Variants in UNC5C observed in about 807,000 individuals in gnomAD.
The protein encoded by UNC5C is netrin receptor UNC5C.
UNC5C carries 47 observed loss-of-function variants against 99.8 expected under a neutral mutation model. The observed-to-expected ratio is 0.47, with a 90% confidence interval of 0.37 to 0.60. The LOEUF (loss-of-function observed/expected upper bound fraction) is 0.60, where lower values mean the gene tolerates loss of function less well. Ranked by LOEUF, UNC5C falls within the 20% of genes least tolerant of loss-of-function variation. The probability of loss-of-function intolerance (pLI) is 0.00; values close to 1 mark genes in which losing one functional copy is unlikely to be tolerated. For missense variants in UNC5C, 1,062 were observed against 1,165.9 expected (o/e 0.91, Z 1.30); for synonymous variants, 487 against 452.2 (o/e 1.08, Z -0.98).
chr4:95,274,115 G>A (rs1740765374), intron 4 of UNC5C, among the ~76,000 whole-genome samples: 1 of 152,162 alleles, frequency 6.6e-6, no homozygotes, highest in Admixed American at 6.5e-5. Flanking sequence ...CAGGCAAGAA[G>A]AAGAGTAAAC....
intron 1 of UNC5C, among the ~76,000 whole-genome samples, chr4:95,509,971 C>T (rs1722027079): frequency 6.6e-6 from 1 of 151,874 alleles, no homozygotes; most frequent in Admixed American, 6.6e-5. Flanking sequence ...ATCTGTGAAA[C>T]ACTTGACATG....
chr4:95,169,989 C>T (rs754618652), intron 15 of UNC5C, among the ~76,000 whole-genome samples, 165 bp downstream of exon 15: 5 of 151,924 alleles, frequency 3.3e-5, no homozygotes, highest in Admixed American at 1.3e-4. Flanking sequence ...TTTGCAAGCC[C>T]GTAGTGCAAG....
intron 1 of UNC5C, among the ~76,000 whole-genome samples, chr4:95,369,311 G>A (rs1658346913): frequency 6.6e-6 from 1 of 152,042 alleles, no homozygotes; most frequent in Non-Finnish European, 1.5e-5. Flanking sequence ...AGCCCTTTGG[G>A]AGGCTGAGGT....
intron 1 of UNC5C, among the ~76,000 whole-genome samples, chr4:95,501,906 G>T (rs1721785163): frequency 6.6e-6 from 1 of 152,098 alleles, no homozygotes; most frequent in South Asian, 2.1e-4. Flanking sequence ...CTCTTATGTT[G>T]GAAATATTTA....
At chr4:95,309,422 A>G (rs189127349) in intron 2 of UNC5C, among the ~76,000 whole-genome samples, 7 of 152,292 alleles carry the variant, frequency 4.6e-5, no homozygotes, top group Non-Finnish European at 1.0e-4. Context: ...AAAAGCAAAA[A>G]TAGACAAATA....
chr4:95,351,375 G>A (rs538093112), intron 1 of UNC5C, among the ~76,000 whole-genome samples: 1 of 150,340 alleles, frequency 6.7e-6, no homozygotes, highest in African/African-American at 2.4e-5. Flanking sequence ...AAGAGGTTCT[G>A]TAAGATAAGA....
chr4:95,234,225 G>A (rs1739016878), intron 7 of UNC5C, among the ~76,000 whole-genome samples: 1 of 152,050 alleles, frequency 6.6e-6, no homozygotes, highest in Admixed American at 6.5e-5. Flanking sequence ...AGAAACCTAA[G>A]TATTTTAATA....
At chr4:95,189,488 A>G (rs1579212881) in intron 12 of UNC5C, among the ~76,000 whole-genome samples, 1 of 152,154 alleles carries the variant, frequency 6.6e-6, no homozygotes, top group African/African-American at 2.4e-5. Flanking sequence ...AAAATTGACA[A>G]TGGGATCTAA....
rs1203475165 is a variant in UNC5C, at chr4:95,475,872, C to T, written c.124+72862G>A. 4.6e-5 allele frequency among the ~76,000 whole-genome samples: 7 copies of T among 152,228 alleles called. No individual in the cohort carries two copies. In the South Asian group the frequency reaches 1.0e-3, roughly 23 times the overall value. ...AATACACAAGCTGTCTAATGATAAT[C>T]AGCAGGTCCTCGCTACATCTTATGA... On this transcript the variant is annotated intron_variant, in intron 1 of 15. Coordinates refer to ENST00000453304, the MANE Select transcript of UNC5C (RefSeq NM_003728.4).
intron 4 of UNC5C, among the ~76,000 whole-genome samples, chr4:95,275,514 A>G (rs1350763279): frequency 6.6e-6 from 1 of 152,208 alleles, no homozygotes; most frequent in African/African-American, 2.4e-5. Context: ...TGGCCAAAGT[A>G]AAAAATGGTG....
intron 1 of UNC5C, among the ~76,000 whole-genome samples, chr4:95,422,104 C>A (rs933111622): frequency 5.3e-5 from 8 of 152,226 alleles, no homozygotes; most frequent in African/African-American, 1.9e-4. Context: ...CGACAACAAG[C>A]TGCAGCAACA....
intron 3 of UNC5C, among the ~76,000 whole-genome samples, chr4:95,292,145 T>C (rs1741483176): frequency 6.6e-6 from 1 of 150,450 alleles, no homozygotes; most frequent in Non-Finnish European, 1.5e-5. Context: ...AAATCAGGAC[T>C]TCTGTACATG....
chr4:95,501,501 G>A (rs991586022), intron 1 of UNC5C, among the ~76,000 whole-genome samples: 9 of 152,042 alleles, frequency 5.9e-5, no homozygotes, highest in African/African-American at 2.2e-4. Context: ...TAGGGCAAAG[G>A]TCATTTTCAA....
chr4:95,485,744 C>T (rs1486931027), intron 1 of UNC5C, among the ~76,000 whole-genome samples: 1 of 151,452 alleles, frequency 6.6e-6, no homozygotes, highest in Non-Finnish European at 1.5e-5. Flanking sequence ...TCATTTTTTC[C>T]TATAATTTAT....
chr4:95,179,356 A>G (rs1157818032), intron 14 of UNC5C, among the ~76,000 whole-genome samples: 1 of 152,270 alleles, frequency 6.6e-6, no homozygotes, highest in East Asian at 1.9e-4. Flanking sequence ...TTGTGTATAC[A>G]GAAGTGCTGT....
intron 1 of UNC5C, among the ~76,000 whole-genome samples, chr4:95,540,151 A>G (rs1437046698): frequency 6.6e-6 from 1 of 152,172 alleles, no homozygotes; most frequent in Non-Finnish European, 1.5e-5. Context: ...CATCCTGCCC[A>G]AATAGTTCCA....
At position 95,314,072 on chromosome 4, in the gene UNC5C, T is replaced by A. The variant is rs1047766533; in HGVS notation, c.347-12323A>T. Among the ~76,000 whole-genome samples, 5 of 152,336 alleles carry A rather than the reference T, an allele frequency of 3.3e-5. No individual in the cohort carries two copies. The South Asian group carries it at 1.0e-3, about 32-fold the overall frequency. On this transcript the variant is annotated intron_variant, in intron 2 of 15. Transcript: ENST00000453304. ...AATGTACTGCATCATAATTATCTTG[T>A]GAATAAAGCTGTATTCTATTCACAA...
At position 95,250,604 on chromosome 4, in the gene UNC5C, T is replaced by C. The variant is rs201855361; in HGVS notation, c.658A>G (p.Ile220Val). Reference protein sequence around the residue: ...PVEDRNFYITIDHNLIIKQAR... With the variant: ...PVEDRNFYITVDHNLIIKQAR... Reference sequence around the variant, plus strand: ...TGCTTTATGATGAGGTTGTGATCAATAGTAATATAAAAATTCCGATCTTCA... The same window carrying C: ...TGCTTTATGATGAGGTTGTGATCAACAGTAATATAAAAATTCCGATCTTCA... The change falls in exon 5 of 16, where the codon ATT becomes GTT. Residue 220 changes from isoleucine (I) to valine (V), a missense_variant. Around this residue, in one of 3 missense-constraint regions of UNC5C, gnomAD observed 249 missense variants for 295.1 expected, o/e 0.84. Transcript: ENST00000453304. 5 of 1,614,008 alleles carry C rather than the reference T, an allele frequency of 3.1e-6. No individual in the cohort carries two copies. The highest frequency in any genetic ancestry group is 2.2e-5 in the South Asian group (2 of 91,072).
At chr4:95,422,595 C>A (rs1033638193) in intron 1 of UNC5C, among the ~76,000 whole-genome samples, 5 of 152,072 alleles carry the variant, frequency 3.3e-5, no homozygotes, top group Non-Finnish European at 5.9e-5. Context: ...ACTGACAATT[C>A]TGCAACAACA....
Sources: allele counts gnomAD v4.1 joint callset (sites outside exome capture counted in the v4.1 genomes callset), GRCh38; gene constraint gnomAD v4.1.1; regional missense constraint gnomAD v4.1.1; transcripts MANE v1.5; gene names NCBI Gene and HGNC (gene_info 2026-07-23, HGNC 2026-07-21).